The following PLOD2 variants were observed in gnomAD, a reference collection of about 807,000 sequenced individuals.
PLOD2 encodes procollagen-lysine,2-oxoglutarate 5-dioxygenase 2, also known as lysine hydroxylase 2.
Under a neutral mutation model 101.0 loss-of-function variants are expected in PLOD2, and 65 were observed. The observed-to-expected ratio is 0.64, with a 90% CI of 0.53 to 0.79. The LOEUF is 0.79. Among genes scored for constraint, PLOD2 ranks in the 30% least tolerant of loss-of-function variants. PLOD2 has a pLI of 0.00. For synonymous variants in PLOD2, 314 were observed against 302.9 expected (o/e 1.04, Z -0.38); for missense variants, 909 against 914.6 (o/e 0.99, Z 0.08).
chr3:146,114,826 G>A (rs1937827306), intron 3 of PLOD2, among the ~76,000 whole-genome samples: 1 of 152,164 alleles, frequency 6.6e-6, no homozygotes, highest in Admixed American at 6.5e-5. Context: ...ATTCCCATAT[G>A]ATGGTGAAGG....
intron 7 of PLOD2, among the ~76,000 whole-genome samples, chr3:146,101,196 G>A (rs1937377566): frequency 6.6e-6 from 1 of 152,048 alleles, no homozygotes; most frequent in South Asian, 2.1e-4. Context: ...GTTAGAGGAA[G>A]GATTTGAAAA....
chr3:146,120,850 T>C (rs1458032696), intron 3 of PLOD2, among the ~76,000 whole-genome samples: 4 of 152,086 alleles, frequency 2.6e-5, no homozygotes, highest in African/African-American at 9.7e-5. Context: ...GCCTCCCAAG[T>C]AGCTGTGATT....
intron 7 of PLOD2, among the ~76,000 whole-genome samples, chr3:146,093,123 C>A (rs1937033495): frequency 6.6e-6 from 1 of 152,136 alleles, no homozygotes; most frequent in South Asian, 2.1e-4. Context: ...GTGTGGAATA[C>A]ATGAAGTAGT....
chr3:146,096,925 C>A (rs1461098381), intron 7 of PLOD2, among the ~76,000 whole-genome samples: 28 of 129,124 alleles, frequency 2.2e-4, no homozygotes, highest in African/African-American at 7.0e-4. Context: ...AGGTGAGGGG[C>A]GCCTCTGCCC....
intron 1 of PLOD2, among the ~76,000 whole-genome samples, chr3:146,126,136 T>A (rs2030544330): frequency 6.6e-6 from 1 of 152,170 alleles, no homozygotes; most frequent in South Asian, 2.1e-4. Context: ...AAGGCAAAGC[T>A]TAATCATGTG....
chr3:146,160,094 G>C (rs2032497531), intron 1 of PLOD2, among the ~76,000 whole-genome samples: 1 of 152,234 alleles, frequency 6.6e-6, no homozygotes, highest in Non-Finnish European at 1.5e-5. Context: ...TCTAATTTCA[G>C]AGAGTTGAGC....
chr3:146,097,956 G>A (rs1937263209), intron 7 of PLOD2, among the ~76,000 whole-genome samples: 1 of 152,018 alleles, frequency 6.6e-6, no homozygotes, highest in African/African-American at 2.4e-5. Flanking sequence ...ACAGAAACGG[G>A]AAACAAACAC....
chr3:146,131,407 T>A (rs552398170), intron 1 of PLOD2, among the ~76,000 whole-genome samples: 279 of 152,306 alleles, frequency 1.8e-3, no homozygotes, highest in African/African-American at 6.3e-3. Context: ...AGTCAGAAAG[T>A]CTTATCTGAA....
intron 1 of PLOD2, among the ~76,000 whole-genome samples, chr3:146,131,030 G>C (rs1172436924): frequency 6.6e-6 from 1 of 152,064 alleles, no homozygotes; most frequent in Non-Finnish European, 1.5e-5. Flanking sequence ...CTTCCTTCTG[G>C]GTGCTTGAAA....
Position 146,079,320 on chromosome 3 carries a change from TA to T in PLOD2, c.1359-64del, listed in dbSNP as rs1021957049. ...TACAAACAATTTTAAGTTTCATTTTTACCTTTTTAAAATAAATGCTTTGTGT... is the reference window on the plus strand; with the variant it reads ...TACAAACAATTTTAAGTTTCATTTTTCCTTTTTAAAATAAATGCTTTGTGT... On this transcript the variant is annotated intron_variant, in intron 12 of 19. Transcript: ENST00000282903. The T allele has an allele frequency of 3.9e-6, 5 of 1,287,486 alleles. No homozygotes were observed. The African/African-American group carries it at 5.9e-5, about 15-fold the overall frequency. 79.8% of individuals were successfully genotyped at this position (1,287,486 alleles called of 1,614,324 possible).
chr3:146,116,236 G>A (rs891349886), intron 3 of PLOD2, among the ~76,000 whole-genome samples: 5 of 151,252 alleles, frequency 3.3e-5, no homozygotes, highest in Non-Finnish European at 5.9e-5. Flanking sequence ...AAAACACACA[G>A]ACACAGACAC....
At chr3:146,095,203 C>T (rs569341313) in intron 7 of PLOD2, among the ~76,000 whole-genome samples, 1 of 152,136 alleles carries the variant, frequency 6.6e-6, no homozygotes, top group African/African-American at 2.4e-5. Context: ...GCAACAAAAG[C>T]CAAAATTGGC....
At chr3:146,096,752 TG>T (rs1253149716) in intron 7 of PLOD2, among the ~76,000 whole-genome samples, 31 of 137,968 alleles carry the variant, frequency 2.2e-4, no homozygotes, top group Middle Eastern at 4.3e-3. Flanking sequence ...GGGAGGGAGG[TG>T]GGGGGGGTCA....
intron 1 of PLOD2, among the ~76,000 whole-genome samples, chr3:146,151,969 TA>T (rs2032077835): frequency 6.6e-6 from 1 of 152,208 alleles, no homozygotes; most frequent in South Asian, 2.1e-4. Context: ...TAGTTACCTC[TA>T]AAAAAGTTGT....
At chr3:146,075,727 G>A (rs76667463) in intron 15 of PLOD2, among the ~76,000 whole-genome samples, 1 of 151,418 alleles carries the variant, frequency 6.6e-6, no homozygotes, top group Non-Finnish European at 1.5e-5. Context: ...TTGTAAACAT[G>A]TTTCTAAAAT....
chr3:146,078,986 C>A, intron 13 of PLOD2, 130 bp downstream of exon 13: 1 of 867,858 alleles, frequency 1.2e-6, no homozygotes, highest in South Asian at 1.4e-5. Context: ...TTTTTTAACA[C>A]AGAACCAAAA....
chr3:146,097,186 C>T (rs1421972158), intron 7 of PLOD2, among the ~76,000 whole-genome samples: 9 of 149,872 alleles, frequency 6.0e-5, no homozygotes, highest in Admixed American at 5.3e-4. Context: ...GGGGGGTCAG[C>T]CCCCCGCCCG....
intron 10 of PLOD2, chr3:146,085,934 C>T (rs1936751661): frequency 1.3e-5 from 2 of 152,232 alleles, no homozygotes; most frequent in South Asian, 2.1e-4. Context: ...TTGTTCGAAG[C>T]AACTATCAAA....
intron 3 of PLOD2, among the ~76,000 whole-genome samples, chr3:146,113,251 G>A (rs919763441): frequency 4.6e-5 from 7 of 152,254 alleles, no homozygotes; most frequent in Admixed American, 1.3e-4. Flanking sequence ...AAAATTTCAC[G>A]TTGCTGAAAC....
Sources: allele counts gnomAD v4.1 joint callset (sites outside exome capture counted in the v4.1 genomes callset), GRCh38; gene constraint gnomAD v4.1.1; transcripts MANE v1.5; gene names NCBI Gene and HGNC (gene_info 2026-07-23, HGNC 2026-07-21).